Variants in FXR2 observed in about 807,000 individuals in gnomAD.
FXR2 encodes the protein FMR1 autosomal homolog 2, also known as RNA-binding protein FXR2.
FXR2 carries 9 observed loss-of-function variants against 87.3 expected under a neutral mutation model. The ratio of observed to expected loss-of-function variants is 0.10; its 90% CI spans 0.06 to 0.18. The LOEUF is 0.18. FXR2 is among the 10% of genes least tolerant of loss of function. The probability of loss-of-function intolerance (pLI) is 1.00; values close to 1 mark genes in which losing one functional copy is unlikely to be tolerated. For synonymous variants in FXR2, 331 were observed against 328.3 expected (o/e 1.01, Z -0.09); for missense variants, 661 against 893.6 (o/e 0.74, Z 3.32).
At chr17:7,598,347 C>T (rs540364236) in intron 7 of FXR2, among the ~76,000 whole-genome samples, 67 of 152,238 alleles carry the variant, frequency 4.4e-4, no homozygotes, top group African/African-American at 1.5e-3. Flanking sequence ...CCCAGCTTCT[C>T]GTGAGGCTGA....
intron 5 of FXR2, 126 bp downstream of exon 5, chr17:7,603,630 AG>A: frequency 1.3e-6 from 1 of 741,116 alleles, no homozygotes; most frequent in Non-Finnish European, 2.2e-6. Flanking sequence ...CTTAGCAAGA[AG>A]GGCTCTAGTA....
At chr17:7,607,997 G>A (rs957481776) in intron 1 of FXR2, among the ~76,000 whole-genome samples, 2 of 151,734 alleles carry the variant, frequency 1.3e-5, no homozygotes, top group East Asian at 1.9e-4. Context: ...CTCCATGTTC[G>A]TCAGACTGGT....
At chr17:7,604,962 A>C (rs188205399) in intron 3 of FXR2, among the ~76,000 whole-genome samples, 2 of 151,726 alleles carry the variant, frequency 1.3e-5, no homozygotes, top group African/African-American at 4.8e-5. Context: ...ACCTCAGGTG[A>C]TCTGCCCCAC....
intron 3 of FXR2, among the ~76,000 whole-genome samples, chr17:7,604,704 A>G (rs891295637): frequency 2.7e-5 from 4 of 149,840 alleles, no homozygotes; most frequent in African/African-American, 4.9e-5. Flanking sequence ...AAGAAAAAAA[A>G]GGTATTTGGG....
rs34323537 is a variant in FXR2 at position 7,612,996 on chromosome 17, CAAAAAAAAA to C, written c.81+1447_81+1455del. Among the ~76,000 whole-genome samples, 2 of 49,566 alleles carry C rather than the reference CAAAAAAAAA, an allele frequency of 4.0e-5. 1 individual carries two copies. The highest frequency in any genetic ancestry group is 1.2e-3 in the East Asian group (2 of 1,608). The allele number at this position is 49,566 out of a possible 152,430, so 32.5% of individuals were successfully genotyped here. A position where few individuals can be genotyped will look rare whatever the true frequency, so the allele number is the denominator to read the frequency against. On this transcript the variant is annotated intron_variant, in intron 1 of 16. Coordinates refer to ENST00000250113, the MANE Select transcript of FXR2 (RefSeq NM_004860.4). The stretch of plus-strand genomic sequence containing the variant: ...TGGGCAACAGGGCGAGACTCCATCT[CAAAAAAAAA>C]AAAAAAAAAAAAAAAAATGACTACA...
At chr17:7,608,720 T>G (rs1259873219) in intron 1 of FXR2, among the ~76,000 whole-genome samples, 1 of 152,112 alleles carries the variant, frequency 6.6e-6, no homozygotes, top group African/African-American at 2.4e-5. Flanking sequence ...GAAGGGCAAT[T>G]TAATGTATAA....
chr17:7,609,982 A>G (rs558914308), intron 1 of FXR2, among the ~76,000 whole-genome samples: 2 of 42,204 alleles, frequency 4.7e-5, no homozygotes, highest in Admixed American at 2.1e-4. Context: ...ATGTATACAT[A>G]TATATATACA....
At position 7,601,530 on chromosome 17, in the gene FXR2, G is replaced by T. The variant is rs2071755493; in HGVS notation, c.544-5C>A. ...CACAGGGGCTTCTGTGGTTGACTGG[G>T]AGGAAACCAGTGGGAAAGTCATTAA... On this transcript the variant is annotated splice_region_variant and splice_polypyrimidine_tract_variant and intron_variant, in intron 6 of 16. Coordinates refer to ENST00000250113, the MANE Select transcript of FXR2 (RefSeq NM_004860.4). 2 of 1,551,954 alleles carry T rather than the reference G, an allele frequency of 1.3e-6. No homozygotes were observed. Among genetic ancestry groups the T allele is most frequent in the Non-Finnish European group, 8.9e-7 (1 of 1,124,128 alleles).
chr17:7,612,062 A>G (rs1208238477), intron 1 of FXR2, among the ~76,000 whole-genome samples: 3 of 152,222 alleles, frequency 2.0e-5, no homozygotes, highest in South Asian at 2.1e-4. Flanking sequence ...AAGGGAAAAG[A>G]TTCAGAGAGA....
At chr17:7,610,701 C>A (rs979773774) in intron 1 of FXR2, among the ~76,000 whole-genome samples, 7 of 152,146 alleles carry the variant, frequency 4.6e-5, no homozygotes, top group African/African-American at 1.7e-4. Context: ...TGGAAGTGAG[C>A]CCCAAGTTCT....
Position 7,591,644 on chromosome 17 carries a change from G to T in FXR2, c.*186C>A. ...ACCCTGGGGGTAGGGTGGACAAGAG[G>T]GAGGGGGTATGACCCTGTTACACAC... On this transcript the variant is annotated 3_prime_UTR_variant, in exon 17 of 17. Transcript: ENST00000250113. This position sits in a 1 kb window ranked among gnomAD's most constrained non-coding sequence, Gnocchi z 4.0. The T allele has an allele frequency of 1.6e-6, 1 of 614,180 alleles. No homozygotes were observed. The highest frequency in any genetic ancestry group is 2.9e-6 in the Non-Finnish European group (1 of 339,882). The allele number at this position is 614,180 out of a possible 1,614,324, so 38.0% of individuals were successfully genotyped here.
intron 1 of FXR2, 81 bp downstream of exon 1, chr17:7,614,371 C>G (rs1313266271): frequency 1.8e-5 from 19 of 1,055,648 alleles, no homozygotes; most frequent in Non-Finnish European, 2.6e-5. Context: ...GCTCCAGAAG[C>G]TCGATCCCGC....
At chr17:7,598,168 C>T (rs887665268) in intron 7 of FXR2, among the ~76,000 whole-genome samples, 2 of 152,034 alleles carry the variant, frequency 1.3e-5, no homozygotes, top group African/African-American at 2.4e-5. Context: ...AAGGCACTTT[C>T]GGCCGGGCAC....
In FXR2 at chr17:7,613,758, T is replaced by C. The variant is rs561698605; in HGVS notation, c.81+694A>G. On this transcript the variant is annotated intron_variant, in intron 1 of 16. Transcript: ENST00000250113. The stretch of plus-strand genomic sequence containing the variant: ...GGTCTAAGTGAGACCTCAAATCCAT[T>C]CCTGAGTAGAATGGTAGAGCAGTGG... 2.6e-5 allele frequency among the ~76,000 whole-genome samples: 4 copies of C among 152,270 alleles called. No homozygotes were observed. The South Asian group carries it at 8.3e-4, about 32-fold the overall frequency.
At chr17:7,613,133 A>T (rs2071889112) in intron 1 of FXR2, among the ~76,000 whole-genome samples, 1 of 151,960 alleles carries the variant, frequency 6.6e-6, no homozygotes, top group Admixed American at 6.6e-5. Flanking sequence ...TCAAAGAAAG[A>T]CATTTCCAAG....
chr17:7,601,618 G>C (rs943958333), intron 6 of FXR2, 93 bp from the exon 7 acceptor site: 4 of 788,028 alleles, frequency 5.1e-6, no homozygotes, highest in Non-Finnish European at 8.9e-6. Context: ...CCTAAGTCCC[G>C]GGAAAAGGGT....
chr17:7,594,922 AAAAATACAAAAATC>A lies in FXR2; in HGVS notation c.832-179_832-166del, dbSNP rs1343722940. Among the ~76,000 whole-genome samples, 13 of 152,242 alleles carry A rather than the reference AAAAATACAAAAATC, an allele frequency of 8.5e-5. No homozygotes were observed. The highest frequency in any genetic ancestry group is 2.6e-4 in the African/African-American group (11 of 41,516). On this transcript the variant is annotated intron_variant, in intron 8 of 16. Coordinates refer to ENST00000250113, the MANE Select transcript of FXR2 (RefSeq NM_004860.4). The surrounding 1 kb of genome is among the most constrained non-coding windows in gnomAD (Gnocchi z 5.1). ...AATATGGTGAAACGCCATCTCTACT[AAAAATACAAAAATC>A]AAAATACAAAAATACTAAAATACTA...
Position 7,592,602 on chromosome 17 carries a change from G to A in FXR2, c.1730-3C>T, listed in dbSNP as rs755842231. 4.3e-6 allele frequency: 7 copies of A among 1,613,030 alleles called. No individual in the cohort carries two copies. In the South Asian group the frequency reaches 6.6e-5, roughly 15 times the overall value. On this transcript the variant is annotated splice_polypyrimidine_tract_variant and splice_region_variant and intron_variant, in intron 14 of 16. Transcript: ENST00000250113. This position sits in a 1 kb window ranked among gnomAD's most constrained non-coding sequence, Gnocchi z 4.8. Reference sequence around the variant, plus strand: ...ACGTTGAGGTCTTGATTCATCTTCTGTAGGGTAGGAAAAAACCAGAGTCAC... The same window carrying A: ...ACGTTGAGGTCTTGATTCATCTTCTATAGGGTAGGAAAAAACCAGAGTCAC...
At chr17:7,614,112 G>A (rs1188776770) in intron 1 of FXR2, 4 of 543,682 alleles carry the variant, frequency 7.4e-6, no homozygotes, top group Admixed American at 6.6e-5. Flanking sequence ...AAGGTCTAAG[G>A]TATGTCTTCC....
Sources: gnomAD v4.1 joint callset for allele counts (sites outside exome capture counted in the v4.1 genomes callset) on GRCh38, gnomAD v4.1.1 for gene constraint, Gnocchi (gnomAD v3.1) non-coding constraint, MANE v1.5 for transcripts, NCBI Gene and HGNC (gene_info 2026-07-23, HGNC 2026-07-21) for gene names.